The following PRKAG2 variants were observed in gnomAD, a reference collection of about 807,000 sequenced individuals.
The protein encoded by PRKAG2 is protein kinase AMP-activated non-catalytic subunit gamma 2.
In PRKAG2, 26 loss-of-function variants were observed where a neutral mutation model predicts 69.6. The observed-to-expected ratio is 0.37, with a 90% CI of 0.27 to 0.52. PRKAG2 has a LOEUF of 0.52. Among genes scored for constraint, PRKAG2 ranks in the 20% least tolerant of loss-of-function variants. PRKAG2 has a pLI of 0.90. For missense variants in PRKAG2, 557 were observed against 740.0 expected (o/e 0.75, Z 2.87); for synonymous variants, 293 against 285.0 (o/e 1.03, Z -0.28).
At chr7:151,601,073 C>T (rs1369331125) in intron 5 of PRKAG2, among the ~76,000 whole-genome samples, 1 of 152,182 alleles carries the variant, frequency 6.6e-6, no homozygotes, top group Non-Finnish European at 1.5e-5. Context: ...CAACGGTGCG[C>T]TCATCTGAGC....
chr7:151,741,415 C>G (rs1204457012), intron 3 of PRKAG2, among the ~76,000 whole-genome samples: 1 of 151,764 alleles, frequency 6.6e-6, no homozygotes, highest in Non-Finnish European at 1.5e-5. Flanking sequence ...CAGTGGCTCA[C>G]ACCTATAATC....
In PRKAG2 at chr7:151,624,182, T is replaced by TA. The variant is rs67782704; in HGVS notation, c.754+7886_754+7887insT. On this transcript the variant is annotated intron_variant, in intron 5 of 15. Transcript: ENST00000287878. ...TGTGTGTGTGTACATATATATATAT[T>TA]TTTTTTTTCAGATAAGGTCTTGCTC... 9.7e-3 allele frequency among the ~76,000 whole-genome samples: 1,280 copies of TA among 131,832 alleles called. 24 individuals are homozygous for TA. The highest frequency in any genetic ancestry group is 0.034 in the African/African-American group (1,163 of 33,806). 86.5% of individuals were successfully genotyped at this position (131,832 alleles called of 152,430 possible). A position where few individuals can be genotyped will look rare whatever the true frequency, so the allele number is the denominator to read the frequency against.
At chr7:151,749,693 A>C (rs138641151) in intron 3 of PRKAG2, among the ~76,000 whole-genome samples, 1 of 152,200 alleles carries the variant, frequency 6.6e-6, no homozygotes, top group Admixed American at 6.5e-5. Context: ...CAGGTGGCCA[A>C]AAGGTACAAG....
At chr7:151,593,836 T>G (rs888215118) in intron 6 of PRKAG2, among the ~76,000 whole-genome samples, 1 of 152,210 alleles carries the variant, frequency 6.6e-6, no homozygotes, top group African/African-American at 2.4e-5. Flanking sequence ...TAAAGCCAAT[T>G]TGCAAAAATC....
At chr7:151,625,582 G>A (rs1340133882) in intron 5 of PRKAG2, among the ~76,000 whole-genome samples, 1 of 152,210 alleles carries the variant, frequency 6.6e-6, no homozygotes, top group Non-Finnish European at 1.5e-5. Context: ...TGCTGGGAGA[G>A]CTTGGCTGCT....
At position 151,849,114 on chromosome 7, in the gene PRKAG2, C is replaced by T. The variant is rs186232323; in HGVS notation, c.114+27393G>A. ...TCTTTGTGATCCTGGAATACAGGGG[C>T]GTGGTGGAGACCTCGAGAATTCTAA... On this transcript the variant is annotated intron_variant, in intron 1 of 15. Coordinates refer to ENST00000287878, the MANE Select transcript of PRKAG2 (RefSeq NM_016203.4). Among the ~76,000 whole-genome samples, 13 of 152,286 alleles carry T rather than the reference C, an allele frequency of 8.5e-5. No individual in the cohort carries two copies. The East Asian group carries it at 1.6e-3, about 18-fold the overall frequency.
intron 1 of PRKAG2, 143 bp downstream of exon 1, chr7:151,876,364 C>G (rs546148053): frequency 1.2e-6 from 1 of 806,004 alleles, no homozygotes; most frequent in African/African-American, 1.7e-5. Context: ...CGGGCCCTGT[C>G]CCTCTACCCT....
chr7:151,822,053 A>C (rs1278155138), intron 1 of PRKAG2, among the ~76,000 whole-genome samples: 1 of 152,240 alleles, frequency 6.6e-6, no homozygotes, highest in Non-Finnish European at 1.5e-5. Flanking sequence ...GGTGTCAGAG[A>C]AGCCCATTTA....
chr7:151,747,876 A>G (rs1396628659), intron 3 of PRKAG2, among the ~76,000 whole-genome samples: 7 of 151,854 alleles, frequency 4.6e-5, no homozygotes, highest in African/African-American at 1.7e-4. Context: ...CAGTGGGGCT[A>G]AGGGGGTGAA....
At chr7:151,857,913 A>C (rs531505592) in intron 1 of PRKAG2, among the ~76,000 whole-genome samples, 1 of 152,312 alleles carries the variant, frequency 6.6e-6, no homozygotes, top group South Asian at 2.1e-4. Flanking sequence ...TAGGAGACAA[A>C]GAATTGCGGG....
At chr7:151,580,003 G>T (rs1234136085) in intron 6 of PRKAG2, among the ~76,000 whole-genome samples, 3 of 152,136 alleles carry the variant, frequency 2.0e-5, no homozygotes, top group Non-Finnish European at 4.4e-5. Context: ...AGGTTTTTTG[G>T]ATTAAAAAAG....
At chr7:151,688,511 A>G (rs1365808676) in intron 3 of PRKAG2, among the ~76,000 whole-genome samples, 1 of 152,154 alleles carries the variant, frequency 6.6e-6, no homozygotes, top group Non-Finnish European at 1.5e-5. Context: ...CCCTGGAAGC[A>G]TGCCTCTTTC....
rs143132418 is a variant in PRKAG2, at chr7:151,659,971, A to G, written c.684+15449T>C. Among the ~76,000 whole-genome samples, 39 of 152,222 alleles carry G rather than the reference A, an allele frequency of 2.6e-4. 1 individual carries two copies. In the East Asian group the frequency reaches 7.2e-3, roughly 28 times the overall value. On this transcript the variant is annotated intron_variant, in intron 4 of 15. Transcript: ENST00000287878. The stretch of plus-strand genomic sequence containing the variant: ...CTACTCGGGAGGCCGAGGTGGGAGG[A>G]CTGCTTGAGGCTGGGAGTTCGAGGT...
At position 151,756,741 on chromosome 7, in the gene PRKAG2, C is replaced by T. The variant is rs2075118391; in HGVS notation, c.466+24411G>A. 6.6e-6 allele frequency among the ~76,000 whole-genome samples: 1 copy of T among 152,184 alleles called. No individual in the cohort carries two copies. The highest frequency in any genetic ancestry group is 1.5e-5 in the Non-Finnish European group (1 of 68,030). ...GGGGTGGGAAAGGATTTTCCTTACT[C>T]ATCGGTGGGTCGCTTCCCAAACTCT... is the stretch of plus-strand genomic sequence containing the variant. On this transcript the variant is annotated intron_variant, in intron 3 of 15. Transcript: ENST00000287878. This position sits in a 1 kb window ranked among gnomAD's most constrained non-coding sequence, Gnocchi z 4.9.
intron 1 of PRKAG2, among the ~76,000 whole-genome samples, chr7:151,804,833 C>T (rs983144281): frequency 2.6e-5 from 4 of 152,194 alleles, no homozygotes; most frequent in Non-Finnish European, 4.4e-5. Context: ...CCACTCAGGA[C>T]ACACAGGTTT....
At position 151,614,916 on chromosome 7, in the gene PRKAG2, G is replaced by A. The variant is rs970321587; in HGVS notation, c.754+17153C>T. On this transcript the variant is annotated intron_variant, in intron 5 of 15. Coordinates refer to ENST00000287878, the MANE Select transcript of PRKAG2 (RefSeq NM_016203.4). The surrounding 1 kb of genome is among the most constrained non-coding windows in gnomAD (Gnocchi z 4.4). ...GCCATGTGGATCCAGAGGGAACCTCGAGAGAGGAGCCGTGTGGATCTAGAG... is the reference window on the plus strand; with the variant it reads ...GCCATGTGGATCCAGAGGGAACCTCAAGAGAGGAGCCGTGTGGATCTAGAG... 4.6e-5 allele frequency among the ~76,000 whole-genome samples: 7 copies of A among 152,162 alleles called. No homozygotes were observed. Among genetic ancestry groups the A allele is most frequent in the Non-Finnish European group, 7.4e-5 (5 of 68,002 alleles).
intron 3 of PRKAG2, among the ~76,000 whole-genome samples, chr7:151,680,384 G>A (rs1833687340): frequency 6.6e-6 from 1 of 152,214 alleles, no homozygotes; most frequent in African/African-American, 2.4e-5. Flanking sequence ...GAACATGACA[G>A]GGATCCTCGT....
At chr7:151,714,069 A>G (rs1795754072) in intron 3 of PRKAG2, among the ~76,000 whole-genome samples, 1 of 152,100 alleles carries the variant, frequency 6.6e-6, no homozygotes, top group African/African-American at 2.4e-5. Flanking sequence ...TAGCGGTTAG[A>G]TAACTCGGGC....
intron 3 of PRKAG2, among the ~76,000 whole-genome samples, chr7:151,754,102 G>A (rs947517019): frequency 2.6e-5 from 4 of 152,232 alleles, no homozygotes; most frequent in Non-Finnish European, 5.9e-5. Context: ...TCCGAAGGTG[G>A]GAGCATCACC....
Sources: allele counts gnomAD v4.1 joint callset (sites outside exome capture counted in the v4.1 genomes callset), GRCh38; gene constraint gnomAD v4.1.1; non-coding constraint Gnocchi (gnomAD v3.1); transcripts MANE v1.5; gene names NCBI Gene and HGNC (gene_info 2026-07-23, HGNC 2026-07-21).